The following GPR89A variants were observed in gnomAD, a reference collection of about 807,000 sequenced individuals.
GPR89A encodes the protein golgi pH regulator A.
GPR89A carries 16 observed loss-of-function variants against 52.0 expected under a neutral mutation model. The observed-to-expected ratio is 0.31, with a 90% CI of 0.21 to 0.47. The LOEUF is 0.47. GPR89A is among the 20% of genes least tolerant of loss of function. The pLI is 1.00. For synonymous variants in GPR89A, 55 were observed against 150.9 expected, an observed-to-expected ratio of 0.36 and a Z score of 4.66; for missense variants, 135 against 449.4, an observed-to-expected ratio of 0.30 and a Z score of 6.33.
chr1:145,664,058 C>CT (rs1478582588), intron 11 of GPR89A, among the ~76,000 whole-genome samples: 1 of 149,930 alleles, frequency 6.7e-6, no homozygotes, highest in Non-Finnish European at 1.5e-5. Flanking sequence ...ATGACTCTGG[C>CT]TGAATAGCAC....
At chr1:145,666,583 T>C (rs1652563862) in intron 12 of GPR89A, among the ~76,000 whole-genome samples, 1 of 152,060 alleles carries the variant, frequency 6.6e-6, no homozygotes, top group Non-Finnish European at 1.5e-5. Context: ...CTTTAAGTTC[T>C]AGGGTACATG....
intron 7 of GPR89A, among the ~76,000 whole-genome samples, chr1:145,636,710 C>T (rs587710637): frequency 7.9e-4 from 120 of 152,046 alleles, no homozygotes; most frequent in Non-Finnish European, 1.3e-3. Context: ...GCAATTCTTT[C>T]TACAGAAAAT....
chr1:145,669,147 C>T (rs879983687), intron 12 of GPR89A, among the ~76,000 whole-genome samples: 3 of 151,930 alleles, frequency 2.0e-5, no homozygotes, highest in Admixed American at 6.6e-5. Context: ...CGTAGGAAGA[C>T]TTCACGGAGG....
At chr1:145,658,454 C>T (rs1246369690) in intron 10 of GPR89A, among the ~76,000 whole-genome samples, 7 of 151,540 alleles carry the variant, frequency 4.6e-5, no homozygotes, top group African/African-American at 7.3e-5. Flanking sequence ...CCTCCCTCCC[C>T]GACACACACA....
chr1:145,634,489 G>C (rs1239374725), intron 7 of GPR89A, among the ~76,000 whole-genome samples: 1 of 149,684 alleles, frequency 6.7e-6, no homozygotes, highest in Non-Finnish European at 1.5e-5. Flanking sequence ...AATCATTTAA[G>C]TCCTCTATAT....
intron 10 of GPR89A, among the ~76,000 whole-genome samples, chr1:145,647,833 TCTCTCTCTCTCCTCCTC>T: frequency 1.0e-3 from 2 of 2,010 alleles, no homozygotes; most frequent in African/African-American, 2.2e-3. Context: ...GTCGACTCTC[TCTCTCTCTCTCCTCCTC>T]CTCTCTCTCT....
Position 145,609,283 on chromosome 1 carries a change from T to C in GPR89A, c.42+1108T>C, listed in dbSNP as rs181963497. On this transcript the variant is annotated intron_variant, in intron 1 of 13. Transcript: ENST00000313835. ...TGCTTCATCCTAATACTCGTCTCCGTAGAGCGGAGCATTGTCCTTTTCTCT... is the reference window on the plus strand; with the variant it reads ...TGCTTCATCCTAATACTCGTCTCCGCAGAGCGGAGCATTGTCCTTTTCTCT... Among the ~76,000 whole-genome samples the C allele has an allele frequency of 2.2e-4, 33 of 152,320 alleles. No homozygotes were observed. The East Asian group carries it at 5.0e-3, about 23-fold the overall frequency.
Position 145,616,253 on chromosome 1 carries a change from G to T in GPR89A, c.62G>T (p.Gly21Val). The T allele has an allele frequency of 6.2e-7, 1 of 1,609,740 alleles. No individual in the cohort carries two copies. The highest frequency in any genetic ancestry group is 8.5e-7 in the Non-Finnish European group (1 of 1,177,914). Residue 21 changes from glycine (G) to valine (V), a missense_variant, in exon 2 of 14, where the codon GGG becomes GTG. Gly to Val is a moderately radical substitution (Grantham distance 109). Coordinates refer to ENST00000313835, the MANE Select transcript of GPR89A (RefSeq NM_001097612.2). ...CTCCAGATACTATTTTTTGGATTTG[G>T]GTGGCTTTTCTTCATGCGCCAATTG... ...ITSQILFFGF[G>V]WLFFMRQLFK...
At chr1:145,624,482 T>C (rs1649353419) in intron 5 of GPR89A, among the ~76,000 whole-genome samples, 1 of 149,030 alleles carries the variant, frequency 6.7e-6, no homozygotes, top group South Asian at 2.1e-4. Context: ...ATAAATATAC[T>C]ACAGGTTTCA....
chr1:145,642,634 T>C, intron 7 of GPR89A, among the ~76,000 whole-genome samples: 1 of 152,198 alleles, frequency 6.6e-6, no homozygotes, highest in East Asian at 1.9e-4. Flanking sequence ...TTGGTACTAT[T>C]TGTATTAGTC....
chr1:145,666,602 A>G (rs9442068), intron 12 of GPR89A, among the ~76,000 whole-genome samples: 6 of 151,616 alleles, frequency 4.0e-5, no homozygotes, highest in African/African-American at 1.2e-4. Flanking sequence ...TGTGCACAAC[A>G]TGCAGGTTTG....
intron 10 of GPR89A, among the ~76,000 whole-genome samples, chr1:145,649,735 CA>C (rs1339004393): frequency 6.7e-6 from 1 of 148,488 alleles, no homozygotes; most frequent in Non-Finnish European, 1.5e-5. Context: ...AACTCTTTTC[CA>C]AAAAAATTGT....
intron 1 of GPR89A, chr1:145,611,686 ATT>A (rs1351241704): frequency 6.9e-6 from 1 of 144,656 alleles, no homozygotes. Context: ...AATCTTGGTG[ATT>A]TTTTTTTTAA....
chr1:145,650,121 C>G (rs1387404626), intron 10 of GPR89A, among the ~76,000 whole-genome samples: 2 of 152,118 alleles, frequency 1.3e-5, no homozygotes, highest in African/African-American at 2.4e-5. Flanking sequence ...GCTATTTTCC[C>G]TGATGCTCTC....
intron 10 of GPR89A, among the ~76,000 whole-genome samples, chr1:145,650,703 T>C (rs1426690783): frequency 6.6e-6 from 1 of 151,604 alleles, no homozygotes; most frequent in Non-Finnish European, 1.5e-5. Flanking sequence ...TGGTAGCTCA[T>C]TGTGGTTTTG....
chr1:145,608,240 C>T, intron 1 of GPR89A, 65 bp downstream of exon 1: 4 of 1,600,598 alleles, frequency 2.5e-6, no homozygotes, highest in Non-Finnish European at 3.4e-6. Context: ...CTCTCCGGTC[C>T]TCCGCGGTGC....
chr1:145,654,719 A>T (rs1396970027), intron 10 of GPR89A, among the ~76,000 whole-genome samples: 4 of 151,356 alleles, frequency 2.6e-5, no homozygotes, highest in Non-Finnish European at 5.9e-5. Flanking sequence ...GACCTTGGAG[A>T]ATCTGATGAT....
At chr1:145,646,331 A>G (rs1650990682) in intron 9 of GPR89A, 59 bp downstream of exon 9, 2 of 1,396,454 alleles carry the variant, frequency 1.4e-6, no homozygotes, top group Non-Finnish European at 2.0e-6. Flanking sequence ...AGAGAACAAG[A>G]CTAAATGGCT....
At chr1:145,645,450 T>C in intron 8 of GPR89A, 1 of 393,164 alleles carries the variant, frequency 2.5e-6, no homozygotes, top group Admixed American at 3.2e-5. Flanking sequence ...TAGTAATGAG[T>C]TAACAAACAT....
Sources: gnomAD v4.1 joint callset for allele counts (sites outside exome capture counted in the v4.1 genomes callset) on GRCh38, gnomAD v4.1.1 for gene constraint, MANE v1.5 for transcripts, NCBI Gene and HGNC (gene_info 2026-07-23, HGNC 2026-07-21) for gene names.